SKAP1: variants seen among roughly 807,000 people sequenced by gnomAD.
SKAP1 encodes the protein src kinase-associated phosphoprotein 1.
In SKAP1, 44 loss-of-function variants were observed where a neutral mutation model predicts 58.5. That is an observed-to-expected ratio of 0.75 (90% CI 0.59 to 0.97). The LOEUF (loss-of-function observed/expected upper bound fraction) is 0.97, where lower values mean the gene tolerates loss of function less well. Ranked by LOEUF, SKAP1 falls within the 50% of genes least tolerant of loss-of-function variation. SKAP1 has a pLI of 0.00. For synonymous variants in SKAP1, 127 were observed against 149.7 expected (o/e 0.85, Z 1.11); for missense variants, 390 against 435.2 (o/e 0.90, Z 0.92).
chr17:48,406,402 T>A (rs2067584929), intron 1 of SKAP1, among the ~76,000 whole-genome samples: 1 of 151,342 alleles, frequency 6.6e-6, no homozygotes, highest in African/African-American at 2.4e-5. Context: ...AATTAGAAAT[T>A]TTTTTTTCTT....
chr17:48,433,507 C>T (rs140557819), upstream of SKAP1, among the ~76,000 whole-genome samples: 4 of 152,116 alleles, frequency 2.6e-5, no homozygotes, highest in African/African-American at 9.7e-5. Flanking sequence ...TCTTCCCGTC[C>T]CCCCCAGACC....
chr17:48,385,530 C>T (rs573510484), intron 2 of SKAP1, among the ~76,000 whole-genome samples: 1 of 152,156 alleles, frequency 6.6e-6, no homozygotes, highest in Admixed American at 6.6e-5. Context: ...ATGCTTCAGT[C>T]CTCAAATACT....
intron 4 of SKAP1, among the ~76,000 whole-genome samples, chr17:48,211,247 G>C (rs1038750933): frequency 1.3e-5 from 2 of 152,100 alleles, no homozygotes; most frequent in African/African-American, 4.8e-5. Flanking sequence ...TTTGAGACCA[G>C]GCTGGGCAGC....
chr17:48,153,618 A>T (rs2063931164), intron 11 of SKAP1, among the ~76,000 whole-genome samples: 1 of 152,202 alleles, frequency 6.6e-6, no homozygotes, highest in Non-Finnish European at 1.5e-5. Flanking sequence ...ATCATAAATA[A>T]GAAAAGATAC....
intron 4 of SKAP1, among the ~76,000 whole-genome samples, chr17:48,200,413 G>T (rs989490567): frequency 1.3e-5 from 2 of 150,710 alleles, no homozygotes; most frequent in Admixed American, 6.6e-5. Flanking sequence ...TTTCACTCTT[G>T]TTGCCCAGGC....
At chr17:48,349,739 A>G (rs1049361482) in intron 3 of SKAP1, among the ~76,000 whole-genome samples, 4 of 152,210 alleles carry the variant, frequency 2.6e-5, no homozygotes, top group South Asian at 2.1e-4. Flanking sequence ...GTCAAACTCA[A>G]TTTCATTCAT....
chr17:48,444,171 G>C, the SKAP1 span, among the ~76,000 whole-genome samples: 3 of 99,306 alleles, frequency 3.0e-5, no homozygotes, highest in East Asian at 7.5e-4. Context: ...AAGGCGGGTG[G>C]ATCACTGAGG....
At chr17:48,294,228 G>A (rs2065934832) in intron 4 of SKAP1, 1 of 152,110 alleles carries the variant, frequency 6.6e-6, no homozygotes, top group Non-Finnish European at 1.5e-5. Context: ...ATGCTACCTG[G>A]GAAAGATAAC....
At chr17:48,264,726 C>A (rs1019366624) in intron 4 of SKAP1, among the ~76,000 whole-genome samples, 2 of 147,070 alleles carry the variant, frequency 1.4e-5, no homozygotes, top group Non-Finnish European at 3.0e-5. Context: ...CTTAAACTTA[C>A]ATTTAATCAA....
chr17:48,352,243 T>C (rs1003202832), intron 3 of SKAP1, among the ~76,000 whole-genome samples: 8 of 152,152 alleles, frequency 5.3e-5, no homozygotes, highest in African/African-American at 1.9e-4. Context: ...ATTGTATATG[T>C]GACAACCCAC....
At chr17:48,374,207 G>T (rs377027560) in intron 2 of SKAP1, among the ~76,000 whole-genome samples, 1,220 of 90,278 alleles carry the variant, frequency 0.014, 40 homozygotes, top group African/African-American at 0.023. Context: ...GCTAATTTTT[G>T]TTTTTTTTTT....
intron 4 of SKAP1, among the ~76,000 whole-genome samples, chr17:48,322,645 C>T (rs1325323070): frequency 3.3e-5 from 5 of 152,190 alleles, no homozygotes. Flanking sequence ...AAAGGGCTTT[C>T]TCAACTTTCT....
chr17:48,273,017 G>C (rs779420996), intron 4 of SKAP1, among the ~76,000 whole-genome samples: 3 of 152,204 alleles, frequency 2.0e-5, no homozygotes, highest in Non-Finnish European at 4.4e-5. Context: ...AACTCTTAAA[G>C]AGCAGCTCAG....
chr17:48,231,999 C>T (rs1303948982), intron 4 of SKAP1: 1 of 152,234 alleles, frequency 6.6e-6, no homozygotes, highest in Non-Finnish European at 1.5e-5. Flanking sequence ...AAGTGAGGCA[C>T]TTGCTAGCAA....
Position 48,180,162 on chromosome 17 carries a change from A to C in SKAP1, c.718T>G (p.Ser240Ala), listed in dbSNP as rs955198177. Residue 240 changes from serine (S) to alanine (A), a missense_variant, in exon 9 of 13, where the codon TCC (serine) becomes GCC (alanine). Ser to Ala is a moderately conservative substitution (Grantham distance 99). Transcript: ENST00000336915. ...CTGCACTGGGAACCACAACTTGGGG[A>C]GTCAAAACCATCAATATCATCATAT... ...ETYDDIDGFD[S>A]PSCGSQCRPT... 33 of 1,613,774 alleles carry C rather than the reference A, an allele frequency of 2.0e-5. No homozygotes were observed. The highest frequency in any genetic ancestry group is 2.8e-5 in the Non-Finnish European group (33 of 1,179,896).
At chr17:48,291,753 C>A (rs368393193) in intron 4 of SKAP1, among the ~76,000 whole-genome samples, 6 of 152,088 alleles carry the variant, frequency 3.9e-5, no homozygotes, top group Non-Finnish European at 5.9e-5. Context: ...CTGGGTAATG[C>A]GCTAAAACAA....
intron 4 of SKAP1, among the ~76,000 whole-genome samples, chr17:48,268,323 C>T (rs1224745915): frequency 6.6e-6 from 1 of 151,330 alleles, no homozygotes; most frequent in Non-Finnish European, 1.5e-5. Context: ...GTCAAAAGTC[C>T]TAAATGACAA....
chr17:48,147,392 C>G (rs775567805), intron 11 of SKAP1, among the ~76,000 whole-genome samples: 1 of 152,124 alleles, frequency 6.6e-6, no homozygotes, highest in Non-Finnish European at 1.5e-5. Context: ...TCCCAGACAT[C>G]GTATTTTTAC....
intron 11 of SKAP1, among the ~76,000 whole-genome samples, chr17:48,148,633 G>T (rs2063861732): frequency 6.6e-6 from 1 of 152,136 alleles, no homozygotes; most frequent in Non-Finnish European, 1.5e-5. Context: ...TGAGAGAGGC[G>T]CCTTGAATCT....
Sources: allele counts gnomAD v4.1 joint callset (sites outside exome capture counted in the v4.1 genomes callset), GRCh38; gene constraint gnomAD v4.1.1; transcripts MANE v1.5; gene names NCBI Gene and HGNC (gene_info 2026-07-23, HGNC 2026-07-21).